CCDC3: variants seen among roughly 807,000 people sequenced by gnomAD.
The protein encoded by CCDC3 is coiled-coil domain-containing protein 3.
Under a neutral mutation model 21.4 loss-of-function variants are expected in CCDC3, and 24 were observed. The ratio of observed to expected loss-of-function variants is 1.12; its 90% CI spans 0.81 to 1.58. The LOEUF is 1.58. Ranked by LOEUF, CCDC3 falls within the 40% of genes most tolerant of loss-of-function variation. The pLI is 0.00. For missense variants in CCDC3, 425 were observed against 360.9 expected, an observed-to-expected ratio of 1.18 and a Z score of -1.44; for synonymous variants, 186 against 166.0, an observed-to-expected ratio of 1.12 and a Z score of -0.93.
rs201497626 is a variant in CCDC3, at chr10:13,089,519, CT to C, written c.-503+9005del. ...CTTCAATGCCCTCTCCTTCCTGATA[CT>C]TTTCCTCACTTGACTTCGGGGACAT... is the stretch of plus-strand genomic sequence containing the variant. On this transcript the variant is annotated intron_variant, in intron 3 of 6. Coordinates refer to the CCDC3 transcript ENST00000378839. 1.2e-4 allele frequency among the ~76,000 whole-genome samples: 19 copies of C among 152,210 alleles called. No homozygotes were observed. The East Asian group carries it at 1.9e-3, about 15-fold the overall frequency.
At chr10:13,095,626 T>A (rs1832621437) in intron 3 of CCDC3, among the ~76,000 whole-genome samples, 1 of 152,212 alleles carries the variant, frequency 6.6e-6, no homozygotes, top group South Asian at 2.1e-4. Context: ...CACCCGTTGC[T>A]CACCTCCTGC....
At chr10:13,086,853 C>T (rs986494885) in intron 3 of CCDC3, among the ~76,000 whole-genome samples, 18 of 152,140 alleles carry the variant, frequency 1.2e-4, no homozygotes, top group African/African-American at 4.1e-4. Context: ...ACCTGCCACC[C>T]AGAGGTGAGT....
At chr10:12,929,709 G>A (rs576346371) in intron 2 of CCDC3, among the ~76,000 whole-genome samples, 27 of 152,234 alleles carry the variant, frequency 1.8e-4, no homozygotes, top group African/African-American at 6.3e-4. Flanking sequence ...CCCCAAAGCC[G>A]AGCCCATTGA....
chr10:12,993,954 C>T (rs1428882453), intron 2 of CCDC3, among the ~76,000 whole-genome samples: 3 of 152,220 alleles, frequency 2.0e-5, no homozygotes, highest in Admixed American at 6.5e-5. Flanking sequence ...CCTCTTCCAT[C>T]TCCTACCCTC....
Position 12,998,362 on chromosome 10 carries a change from G to A in CCDC3, c.525C>T (p.Asp175=), listed in dbSNP as rs1835794200. Residue 175 remains aspartate, a synonymous_variant, in exon 2 of 3, where the codon GAC becomes GAT. Transcript: ENST00000378825. The part of the protein sequence containing the change: ...QGQQLATFSS[D]WEIQEDSRLM... ...CCCTACTGTCTTCCTGGATTTCCCAGTCACTGGAGAAAGTCGCCAGCTGCT... is the reference window on the plus strand; with the variant it reads ...CCCTACTGTCTTCCTGGATTTCCCAATCACTGGAGAAAGTCGCCAGCTGCT... 2 of 1,613,980 alleles carry A rather than the reference G, an allele frequency of 1.2e-6. No homozygotes were observed. The highest frequency in any genetic ancestry group is 1.6e-4 in the Middle Eastern group (1 of 6,084).
At chr10:12,934,735 G>A (rs1198780563) in intron 2 of CCDC3, among the ~76,000 whole-genome samples, 1 of 152,012 alleles carries the variant, frequency 6.6e-6, no homozygotes, top group Non-Finnish European at 1.5e-5. Flanking sequence ...TCTGAAGTCT[G>A]CTCTAAAATT....
intron 4 of CCDC3, among the ~76,000 whole-genome samples, chr10:13,057,746 G>T (rs1254162305): frequency 6.6e-6 from 1 of 152,080 alleles, no homozygotes; most frequent in Non-Finnish European, 1.5e-5. Context: ...GGGCGTGGTG[G>T]TGGGTGCCTG....
chr10:13,053,242 G>A (rs1204001290), intron 4 of CCDC3, among the ~76,000 whole-genome samples: 1 of 152,134 alleles, frequency 6.6e-6, no homozygotes, highest in East Asian at 1.9e-4. Context: ...TTAGGAAGAT[G>A]AAAATATGTG....
At chr10:13,003,321 A>G (rs1835881346), upstream of CCDC3, among the ~76,000 whole-genome samples, 1 of 151,756 alleles carries the variant, frequency 6.6e-6, no homozygotes, top group South Asian at 2.1e-4. Context: ...AGATATAACT[A>G]TTATCCTCAT....
intron 2 of CCDC3, among the ~76,000 whole-genome samples, chr10:12,953,066 C>T (rs1393038677): frequency 2.0e-5 from 3 of 148,850 alleles, no homozygotes; most frequent in Non-Finnish European, 4.5e-5. Context: ...TAAAGACGTA[C>T]CCGAGACTGG....
chr10:12,990,518 C>T (rs985731496), intron 2 of CCDC3, among the ~76,000 whole-genome samples: 4 of 152,172 alleles, frequency 2.6e-5, no homozygotes, highest in African/African-American at 9.7e-5. Flanking sequence ...ATTTGATAGA[C>T]ATTTTCTTGA....
chr10:13,002,300 A>G (rs2131289202), upstream of CCDC3, among the ~76,000 whole-genome samples: 1 of 152,350 alleles, frequency 6.6e-6, no homozygotes, highest in Admixed American at 6.5e-5. Flanking sequence ...AGTAAATCCC[A>G]AACAGCTTTT....
intron 2 of CCDC3, among the ~76,000 whole-genome samples, chr10:12,913,434 A>G (rs547345684): frequency 6.6e-6 from 1 of 152,338 alleles, no homozygotes; most frequent in African/African-American, 2.4e-5. Flanking sequence ...TTGATTTTGT[A>G]TCCTCAGACT....
chr10:13,009,312 G>C lies in CCDC3; in HGVS notation c.-1-10800C>G, dbSNP rs1288151175. 3.9e-5 allele frequency among the ~76,000 whole-genome samples: 6 copies of C among 152,204 alleles called. No homozygotes were observed. The East Asian group carries it at 1.2e-3, about 29-fold the overall frequency. On this transcript the variant is annotated intron_variant, in intron 5 of 6. Transcript: ENST00000378839. ...GATATATATTTTTTTCATAGGTTGG[G>C]AGACTCAATATTGTTAAGATGTTCA...
At chr10:12,902,322 C>A (rs1834107424) in intron 2 of CCDC3, among the ~76,000 whole-genome samples, 1 of 152,142 alleles carries the variant, frequency 6.6e-6, no homozygotes, top group Non-Finnish European at 1.5e-5. Context: ...ATGAGACCCC[C>A]TCAAAAAGAT....
chr10:12,989,833 A>T (rs945707825), intron 2 of CCDC3, among the ~76,000 whole-genome samples: 2 of 152,210 alleles, frequency 1.3e-5, no homozygotes, highest in Non-Finnish European at 2.9e-5. Context: ...GTGCAACAGC[A>T]AGGCAAGTTA....
At chr10:13,054,513 C>T (rs548162210) in intron 4 of CCDC3, among the ~76,000 whole-genome samples, 2 of 152,184 alleles carry the variant, frequency 1.3e-5, no homozygotes, top group South Asian at 2.1e-4. Flanking sequence ...AATTGCATCT[C>T]GATGATCTTT....
chr10:13,047,176 A>G (rs960914231), intron 5 of CCDC3, among the ~76,000 whole-genome samples: 2 of 148,052 alleles, frequency 1.4e-5, no homozygotes, highest in African/African-American at 4.9e-5. Flanking sequence ...ACGCATGGAA[A>G]TTGTGGACCC....
chr10:13,004,447 G>T (rs1186199268), upstream of CCDC3, among the ~76,000 whole-genome samples: 1 of 152,128 alleles, frequency 6.6e-6, no homozygotes, highest in Non-Finnish European at 1.5e-5. Context: ...ATTCCATGAT[G>T]GTGGATAAGG....
Sources: gnomAD v4.1 joint callset for allele counts (sites outside exome capture counted in the v4.1 genomes callset) on GRCh38, gnomAD v4.1.1 for gene constraint, MANE v1.5 for transcripts, NCBI Gene and HGNC (gene_info 2026-07-23, HGNC 2026-07-21) for gene names.